The following AGGF1 variants were observed in gnomAD, a reference collection of about 807,000 sequenced individuals.
AGGF1 encodes angiogenic factor with G-patch and FHA domains 1.
AGGF1 carries 56 observed loss-of-function variants against 86.5 expected under a neutral mutation model. The ratio of observed to expected loss-of-function variants is 0.65; its 90% CI spans 0.52 to 0.81. The LOEUF is 0.81. AGGF1 is among the 30% of genes least tolerant of loss of function. The pLI is 0.00. For missense variants in AGGF1, 816 were observed against 850.9 expected (o/e 0.96, Z 0.51); for synonymous variants, 313 against 297.1 (o/e 1.05, Z -0.55).
chr5:77,030,824 C>CA lies in AGGF1; in HGVS notation c.58_59insA (p.Pro20HisfsTer2). The CA allele has an allele frequency of 1.2e-6, 2 of 1,609,970 alleles. No individual in the cohort carries two copies. The highest frequency in any genetic ancestry group is 4.5e-5 in the East Asian group (2 of 44,858). ...GCCGCCGCCGCCCACCTCCCCCGAGCCTGAGCTGGCCCAGCTAAGGCGGAA... is the reference window on the plus strand; with the variant it reads ...GCCGCCGCCGCCCACCTCCCCCGAGCACTGAGCTGGCCCAGCTAAGGCGGAA... On this transcript the variant is annotated frameshift_variant, in exon 1 of 14. Coordinates refer to ENST00000312916, the MANE Select transcript of AGGF1 (RefSeq NM_018046.5). LOFTEE classifies it high-confidence loss of function.
intron 5 of AGGF1, among the ~76,000 whole-genome samples, chr5:77,043,595 C>G (rs1441767492): frequency 5.1e-5 from 6 of 118,676 alleles, no homozygotes; most frequent in Non-Finnish European, 1.2e-4. Flanking sequence ...TGACCCCCCC[C>G]CCCCCGGATG....
chr5:77,048,555 G>A (rs1244642725), intron 7 of AGGF1, among the ~76,000 whole-genome samples: 4 of 152,166 alleles, frequency 2.6e-5, no homozygotes, highest in African/African-American at 9.7e-5. Flanking sequence ...GTTTCACCAT[G>A]TTGGCCAGAC....
intron 8 of AGGF1, 98 bp downstream of exon 8, chr5:77,049,085 G>A (rs1747325116): frequency 8.6e-7 from 1 of 1,160,554 alleles, no homozygotes; most frequent in Non-Finnish European, 1.3e-6. Flanking sequence ...TTAATAGGAA[G>A]GTTAACATGC....
chr5:77,033,405 G>A (rs972980192), intron 1 of AGGF1, among the ~76,000 whole-genome samples: 1 of 152,198 alleles, frequency 6.6e-6, no homozygotes, highest in African/African-American at 2.4e-5. Flanking sequence ...AAAGCATCAA[G>A]TATAGTGCCC....
chr5:77,038,693 T>C lies in AGGF1; in HGVS notation c.682-838T>C, dbSNP rs967471631. 1.4e-4 allele frequency among the ~76,000 whole-genome samples: 21 copies of C among 152,174 alleles called. No individual in the cohort carries two copies. In the East Asian group the frequency reaches 3.1e-3, roughly 22 times the overall value. ...TGTCAATAGTTAGAAAAATAAATTA[T>C]TCTTTTTCAGGAAGTTTTAGTTGCT... On this transcript the variant is annotated intron_variant, in intron 4 of 13. Coordinates refer to ENST00000312916, the MANE Select transcript of AGGF1 (RefSeq NM_018046.5).
At position 77,064,221 on chromosome 5, in the gene AGGF1, A is replaced by G. The variant is rs887383828; in HGVS notation, c.*969A>G. ...AGAGCCTCAAATATTAGACAATTGC[A>G]GTGCGGCTTTCTGGGCACAGGTGTC... On this transcript the variant is annotated 3_prime_UTR_variant, in exon 14 of 14. Coordinates refer to ENST00000312916, the MANE Select transcript of AGGF1 (RefSeq NM_018046.5). 1 of 152,758 alleles carries G rather than the reference A, an allele frequency of 6.5e-6. No homozygotes were observed. The highest frequency in any genetic ancestry group is 2.4e-5 in the African/African-American group (1 of 41,586). The allele number at this position is 152,758 out of a possible 1,614,324, so 9.5% of individuals were successfully genotyped here. A position where few individuals can be genotyped will look rare whatever the true frequency, so the allele number is the denominator to read the frequency against.
intron 5 of AGGF1, among the ~76,000 whole-genome samples, chr5:77,044,879 A>G (rs1249143635): frequency 6.6e-6 from 1 of 152,146 alleles, no homozygotes; most frequent in Non-Finnish European, 1.5e-5. Flanking sequence ...TCTGGCCAAC[A>G]TGGTGAAACC....
At chr5:77,033,787 ATTGACCGAGGCAGCATG>A (rs1233847797) in intron 1 of AGGF1, among the ~76,000 whole-genome samples, 3 of 152,168 alleles carry the variant, frequency 2.0e-5, no homozygotes, top group African/African-American at 7.2e-5. Context: ...GAGGCAGCGT[ATTGACCGAGGCAGCATG>A]TTACTTGCTT....
chr5:77,048,300 T>C (rs1442894407), intron 7 of AGGF1, 28 bp downstream of exon 7: 1 of 1,483,470 alleles, frequency 6.7e-7, no homozygotes, highest in Non-Finnish European at 9.4e-7. Flanking sequence ...ATTATATCAT[T>C]CTTTCAGTTA....
chr5:77,052,362 A>G (rs2884732), intron 8 of AGGF1, among the ~76,000 whole-genome samples: 34,505 of 151,652 alleles, frequency 0.23, 4,468 homozygotes, highest in Non-Finnish European at 0.29. Context: ...CAAAAAAAAA[A>G]GTTTTTGATG....
chr5:77,036,947 C>T (rs1415821184), intron 4 of AGGF1, among the ~76,000 whole-genome samples: 1 of 152,164 alleles, frequency 6.6e-6, no homozygotes, highest in African/African-American at 2.4e-5. Flanking sequence ...CCATGTCGGC[C>T]AGGCTGGTCT....
chr5:77,050,056 T>A (rs1747342368), intron 8 of AGGF1, among the ~76,000 whole-genome samples: 1 of 152,150 alleles, frequency 6.6e-6, no homozygotes, highest in East Asian at 1.9e-4. Flanking sequence ...TTCTCATTTT[T>A]AATTTGAAAG....
intron 5 of AGGF1, among the ~76,000 whole-genome samples, chr5:77,043,596 C>CG (rs1561286597): frequency 5.3e-5 from 7 of 130,872 alleles, no homozygotes; most frequent in Non-Finnish European, 1.0e-4. Flanking sequence ...GACCCCCCCC[C>CG]CCCCGGATGG....
rs1580120575 is a variant in AGGF1 at position 77,030,947 on chromosome 5, G to A, written c.181G>A (p.Glu61Lys). Residue 61 changes from glutamate (E) to lysine (K), a missense_variant, in exon 1 of 14, where the codon GAA becomes AAA. Glu to Lys is a moderately conservative substitution (Grantham distance 56). Transcript: ENST00000312916. The stretch of plus-strand genomic sequence containing the variant: ...CACAGAACGGCTGTACCAGAACGCA[G>A]AAAGCAACAACCAGGAGCTCCGCAC... The part of the protein sequence containing the change: ...HHTERLYQNA[E>K]SNNQELRTQV... The A allele has an allele frequency of 6.2e-7, 1 of 1,612,854 alleles. No individual in the cohort carries two copies. Among genetic ancestry groups the A allele is most frequent in the East Asian group, 2.2e-5 (1 of 44,880 alleles).
At chr5:77,059,877 C>G (rs969697474) in intron 12 of AGGF1, 134 bp downstream of exon 12, 6 of 1,197,542 alleles carry the variant, frequency 5.0e-6, no homozygotes, top group Admixed American at 1.9e-5. Flanking sequence ...AGTCTTGCTC[C>G]GTCGCCCAGG....
chr5:77,062,908 T>G lies in AGGF1; in HGVS notation c.1945-144T>G, dbSNP rs969030991. 8.0e-5 allele frequency: 63 copies of G among 785,572 alleles called. No homozygotes were observed. The Admixed American group carries it at 1.2e-3, about 16-fold the overall frequency. 48.7% of individuals were successfully genotyped at this position (785,572 alleles called of 1,614,324 possible). ...CCATGTATAAAGGTATATATATTCC[T>G]GTATGTATTTGATGCATCTGACAGG... On this transcript the variant is annotated intron_variant, in intron 13 of 13. Coordinates refer to ENST00000312916, the MANE Select transcript of AGGF1 (RefSeq NM_018046.5).
chr5:77,061,186 T>C (rs1011885344), intron 12 of AGGF1, among the ~76,000 whole-genome samples: 5 of 152,170 alleles, frequency 3.3e-5, no homozygotes, highest in African/African-American at 4.8e-5. Flanking sequence ...TAGGAAATTA[T>C]CAGTAACCCC....
chr5:77,048,301 C>G (rs1747306827), intron 7 of AGGF1, 29 bp downstream of exon 7: 1 of 1,477,138 alleles, frequency 6.8e-7, no homozygotes, highest in African/African-American at 1.4e-5. Flanking sequence ...TTATATCATT[C>G]TTTCAGTTAT....
rs753055640 is a variant in AGGF1 at position 77,039,628 on chromosome 5, C to T, written c.779C>T (p.Pro260Leu). 1 of 1,613,110 alleles carries T rather than the reference C, an allele frequency of 6.2e-7. No individual in the cohort carries two copies. Among genetic ancestry groups the T allele is most frequent in the South Asian group, 1.1e-5 (1 of 90,964 alleles). ...TTTCATTCTCGAGTAGATTTGCAAC[C>T]TTATCCGACTTCTAGCACAAAACAA... ...YQFHSRVDLQPYPTSSTKQSK... is the reference protein window; with the variant it reads ...YQFHSRVDLQLYPTSSTKQSK... Residue 260 changes from proline to leucine, a missense_variant, in exon 5 of 14, where the codon CCT becomes CTT. Pro to Leu is a moderately conservative substitution (Grantham distance 98). This residue lies in a region of AGGF1 where 565 missense variants were observed against 585.8 expected (regional missense o/e 0.96). Transcript: ENST00000312916.
Sources: gnomAD v4.1 joint callset for allele counts (sites outside exome capture counted in the v4.1 genomes callset) on GRCh38, gnomAD v4.1.1 for gene constraint, gnomAD v4.1.1 regional missense constraint, MANE v1.5 for transcripts, NCBI Gene and HGNC (gene_info 2026-07-23, HGNC 2026-07-21) for gene names.